CNGB3: variants seen among roughly 807,000 people sequenced by gnomAD.
The protein encoded by CNGB3 is cyclic nucleotide gated channel subunit beta 3, also known as cyclic nucleotide-gated channel beta-3.
In CNGB3, 86 loss-of-function variants were observed where a neutral mutation model predicts 92.8. The observed-to-expected ratio is 0.93, with a 90% confidence interval of 0.78 to 1.11. The LOEUF is 1.11. CNGB3 is among the 50% of genes least tolerant of loss of function. The pLI, the probability that CNGB3 is intolerant of heterozygous loss-of-function variation, is 0.00. For synonymous variants in CNGB3, 333 were observed against 332.7 expected, an observed-to-expected ratio of 1.00 and a Z score of -0.01; for missense variants, 1,026 against 956.8, an observed-to-expected ratio of 1.07 and a Z score of -0.95.
At chr8:86,660,943 G>C (rs757522724) in intron 6 of CNGB3, among the ~76,000 whole-genome samples, 129 of 152,080 alleles carry the variant, frequency 8.5e-4, no homozygotes, top group Non-Finnish European at 1.4e-3. Context: ...CCTTCTTTCT[G>C]GTGTTAGGAG....
chr8:86,627,399 A>C (rs1331418882), intron 12 of CNGB3, among the ~76,000 whole-genome samples: 1 of 152,086 alleles, frequency 6.6e-6, no homozygotes, highest in East Asian at 1.9e-4. Context: ...TGTTTTGGTC[A>C]TTCAGGAAGA....
Position 86,611,654 on chromosome 8 carries a change from C to A in CNGB3, c.1596G>T (p.Met532Ile), listed in dbSNP as rs1469657084. ...TCAATCTTAGCAACATGTCATAAAT[C>A]ATCTGTGTATCACAACCCTATATAA... ...VDLFKGCDTQ[M>I]IYDMLLRLKS... The change falls in exon 14 of 18, where the codon ATG (methionine) becomes ATT (isoleucine). Residue 532 changes from methionine to isoleucine, a missense_variant. Met to Ile is a conservative substitution (Grantham distance 10). Transcript: ENST00000320005. The A allele has an allele frequency of 1.2e-6, 2 of 1,612,230 alleles. No homozygotes were observed. Among genetic ancestry groups the A allele is most frequent in the African/African-American group, 1.3e-5 (1 of 74,846 alleles).
chr8:86,653,957 A>T, intron 7 of CNGB3, 55 bp downstream of exon 7: 1 of 1,158,420 alleles, frequency 8.6e-7, no homozygotes, highest in Non-Finnish European at 1.3e-6. Flanking sequence ...GATGGGATTT[A>T]AAGTCAAAAT....
At chr8:86,715,981 TAAA>T (rs915399373) in intron 3 of CNGB3, among the ~76,000 whole-genome samples, 6 of 151,188 alleles carry the variant, frequency 4.0e-5, no homozygotes, top group African/African-American at 9.7e-5. Flanking sequence ...ATAATAATAA[TAAA>T]AAAAATTAAA....
chr8:86,686,475 A>C (rs1316797464), intron 3 of CNGB3, among the ~76,000 whole-genome samples: 1 of 152,152 alleles, frequency 6.6e-6, no homozygotes, highest in East Asian at 1.9e-4. Context: ...AGCAAACTGC[A>C]AAAGCAGTGT....
At chr8:86,660,942 T>C (rs1371919123) in intron 6 of CNGB3, among the ~76,000 whole-genome samples, 3 of 152,212 alleles carry the variant, frequency 2.0e-5, no homozygotes, top group Admixed American at 2.0e-4. Context: ...CCCTTCTTTC[T>C]GGTGTTAGGA....
chr8:86,667,181 A>G (rs1214416645), intron 5 of CNGB3, 48 bp from the exon 6 acceptor site: 1 of 1,531,828 alleles, frequency 6.5e-7, no homozygotes, highest in South Asian at 1.1e-5. Context: ...GAACAAACAC[A>G]GAAAGAATTC....
intron 13 of CNGB3, among the ~76,000 whole-genome samples, chr8:86,622,896 T>A (rs1822768493): frequency 6.6e-6 from 1 of 152,194 alleles, no homozygotes; most frequent in South Asian, 2.1e-4. Context: ...TTTTATATGA[T>A]CATCAAAATA....
intron 15 of CNGB3, among the ~76,000 whole-genome samples, chr8:86,580,544 T>C (rs1012395443): frequency 2.6e-5 from 4 of 152,182 alleles, no homozygotes; most frequent in Non-Finnish European, 4.4e-5. Flanking sequence ...CATAAGCTGC[T>C]CTATAATATA....
chr8:86,648,013 G>T, intron 7 of CNGB3, 126 bp from the exon 8 acceptor site: 1 of 730,332 alleles, frequency 1.4e-6, no homozygotes. Context: ...ATCCAAAACT[G>T]CTTTCAATTA....
In CNGB3 at chr8:86,695,189, G is replaced by A. The variant is rs375391249; in HGVS notation, c.339-24091C>T. On this transcript the variant is annotated intron_variant, in intron 3 of 17. Coordinates refer to ENST00000320005, the MANE Select transcript of CNGB3 (RefSeq NM_019098.5). ...GTGGCGCCTGCAATCGCAGGCACTCGGCAGGCACTCGGCAGGAGAATCAGG... is the reference window on the plus strand; with the variant it reads ...GTGGCGCCTGCAATCGCAGGCACTCAGCAGGCACTCGGCAGGAGAATCAGG... Among the ~76,000 whole-genome samples the A allele has an allele frequency of 1.2e-4, 19 of 152,086 alleles. No individual in the cohort carries two copies. The East Asian group carries it at 1.4e-3, about 11-fold the overall frequency.
chr8:86,730,851 A>C (rs1294254405), intron 2 of CNGB3, among the ~76,000 whole-genome samples: 1 of 152,118 alleles, frequency 6.6e-6, no homozygotes, highest in African/African-American at 2.4e-5. Flanking sequence ...ACATTACAGC[A>C]GTGCACATAA....
intron 6 of CNGB3, 95 bp from the exon 7 acceptor site, chr8:86,654,157 C>A: frequency 1.2e-6 from 1 of 840,000 alleles, no homozygotes; most frequent in East Asian, 2.5e-5. Flanking sequence ...TGGTTGGTTC[C>A]TTCCAATCTC....
intron 10 of CNGB3, among the ~76,000 whole-genome samples, chr8:86,638,770 C>T (rs1823122095): frequency 6.6e-6 from 1 of 151,908 alleles, no homozygotes; most frequent in Non-Finnish European, 1.5e-5. Flanking sequence ...TGAACTCTCC[C>T]CTGTCATGCT....
chr8:86,718,385 AAC>A (rs1824904505), intron 3 of CNGB3, among the ~76,000 whole-genome samples: 1 of 152,188 alleles, frequency 6.6e-6, no homozygotes, highest in Admixed American at 6.5e-5. Flanking sequence ...GGCTACTATG[AAC>A]ACCTTTACAC....
chr8:86,678,480 T>C (rs186689604), intron 3 of CNGB3, among the ~76,000 whole-genome samples: 1 of 152,186 alleles, frequency 6.6e-6, no homozygotes, highest in African/African-American at 2.4e-5. Context: ...CATATGGTAA[T>C]GTACATATGG....
At chr8:86,595,845 G>C (rs967846545) in intron 15 of CNGB3, among the ~76,000 whole-genome samples, 2 of 152,138 alleles carry the variant, frequency 1.3e-5, no homozygotes, top group Non-Finnish European at 2.9e-5. Flanking sequence ...AGGTTAAAAG[G>C]AGTTTTAAGA....
chr8:86,657,548 T>G (rs1005622682), intron 6 of CNGB3: 9 of 477,968 alleles, frequency 1.9e-5, no homozygotes, highest in Admixed American at 1.4e-4. Flanking sequence ...CCTGGCCTCT[T>G]CTTGTGCAGG....
chr8:86,667,606 A>G (rs965137651), intron 5 of CNGB3, among the ~76,000 whole-genome samples: 4 of 152,330 alleles, frequency 2.6e-5, no homozygotes, highest in Admixed American at 2.0e-4. Context: ...CCATTAAAGT[A>G]GTCCATGTCC....
Sources: gnomAD v4.1 joint callset for allele counts (sites outside exome capture counted in the v4.1 genomes callset) on GRCh38, gnomAD v4.1.1 for gene constraint, MANE v1.5 for transcripts, NCBI Gene and HGNC (gene_info 2026-07-23, HGNC 2026-07-21) for gene names.